The following PHEX variants were observed in gnomAD, a reference collection of about 807,000 sequenced individuals.
PHEX encodes phosphate regulating endopeptidase X-linked, also known as phosphate-regulating neutral endopeptidase PHEX.
A neutral mutation model predicts 68.0 loss-of-function variants in PHEX; 16 were observed. The observed-to-expected ratio is 0.24, with a 90% confidence interval of 0.16 to 0.36. PHEX has a LOEUF of 0.36. Among genes scored for constraint, PHEX ranks in the 10% least tolerant of loss-of-function variants. The pLI is 1.00. For missense variants in PHEX, 480 were observed against 575.5 expected, an observed-to-expected ratio of 0.83 and a Z score of 1.70; for synonymous variants, 208 against 205.1, an observed-to-expected ratio of 1.01 and a Z score of -0.12.
At position 22,073,929 on chromosome X, in the gene PHEX, C is replaced by T. The variant is rs767864129; in HGVS notation, c.350-2459C>T. 1.2e-3 allele frequency among the ~76,000 whole-genome samples: 136 copies of T among 110,967 alleles called. No individual in the cohort carries two copies. In the Middle Eastern group the frequency reaches 0.014, roughly 11 times the overall value. On this transcript the variant is annotated intron_variant, in intron 3 of 21. Transcript: ENST00000379374. ...CTGGGATTGCAGGCATGAGCCACCG[C>T]GCCTGGCCTGCAGTTTTATGAACTG...
chrX:22,044,758 A>G (rs1179525190), intron 2 of PHEX, among the ~76,000 whole-genome samples: 1 of 111,408 alleles, frequency 9.0e-6, no homozygotes, highest in East Asian at 2.8e-4. Context: ...ATAAAAAAGT[A>G]GCAGTAATTA....
rs1314293481 is a variant in PHEX, at chrX:22,118,617, A to T, written c.1302+4031A>T. Among the ~76,000 whole-genome samples the T allele has an allele frequency of 4.5e-5, 5 of 111,049 alleles. No homozygotes were observed. The South Asian group carries it at 1.5e-3, about 34-fold the overall frequency. On this transcript the variant is annotated intron_variant, in intron 11 of 21. Coordinates refer to ENST00000379374, the MANE Select transcript of PHEX (RefSeq NM_000444.6). ...ACTTCTCCTCCGTGTCTGTTTTGAG[A>T]ACCTCTTGATGACAGAGTTGGCCCA... is the stretch of plus-strand genomic sequence containing the variant.
At chrX:22,184,662 G>T (rs1933975208) in intron 14 of PHEX, among the ~76,000 whole-genome samples, 1 of 111,450 alleles carries the variant, frequency 9.0e-6, no homozygotes, top group Non-Finnish European at 1.9e-5. Flanking sequence ...TAAAAATAGA[G>T]GATTTACTTA....
chrX:22,227,471 G>A lies in PHEX; in HGVS notation c.1966-36G>A, dbSNP rs149937313. 9.1e-4 allele frequency: 895 copies of A among 988,241 alleles called. 6 individuals carry two copies. In the African/African-American group the frequency reaches 0.015, roughly 17 times the overall value. 81.4% of individuals were successfully genotyped at this position (988,241 alleles called of 1,213,427 possible). On this transcript the variant is annotated intron_variant, in intron 19 of 21. Transcript: ENST00000379374. ...AGCTGAGCAAAGAGAAAAACCCACC[G>A]TTGCAGAGACTCATCTCTTCTTCTT...
At chrX:22,118,842 C>T (rs1157908752) in intron 11 of PHEX, among the ~76,000 whole-genome samples, 1 of 112,077 alleles carries the variant, frequency 8.9e-6, no homozygotes, top group Admixed American at 9.5e-5. Flanking sequence ...CTCATTCACA[C>T]ACACAACCAT....
At chrX:22,091,657 C>G (rs1178443613) in intron 6 of PHEX, among the ~76,000 whole-genome samples, 1 of 111,891 alleles carries the variant, frequency 8.9e-6, no homozygotes, top group East Asian at 2.8e-4. Context: ...ATGACTTTAT[C>G]CCAAGTCATC....
chrX:22,147,833 A>T (rs1395871310), intron 12 of PHEX, among the ~76,000 whole-genome samples: 1 of 111,532 alleles, frequency 9.0e-6, no homozygotes, highest in Non-Finnish European at 1.9e-5. Context: ...GTGGTGGTTC[A>T]AATGAACAAA....
At chrX:22,220,593 T>G (rs1935238655) in intron 17 of PHEX, among the ~76,000 whole-genome samples, 1 of 111,666 alleles carries the variant, frequency 9.0e-6, no homozygotes, top group Non-Finnish European at 1.9e-5. Context: ...CCTTCTGGAG[T>G]CTTTCTCAAA....
intron 14 of PHEX, among the ~76,000 whole-genome samples, chrX:22,183,133 C>G: frequency 9.1e-6 from 1 of 110,087 alleles, no homozygotes. Context: ...ATTTCTAGAT[C>G]TTTGACTGGC....
At chrX:22,047,494 A>C (rs1927597788) in intron 3 of PHEX, among the ~76,000 whole-genome samples, 1 of 112,405 alleles carries the variant, frequency 8.9e-6, no homozygotes, top group Non-Finnish European at 1.9e-5. Flanking sequence ...GCAAAGGAAT[A>C]GTTAATGAAA....
At chrX:22,128,556 T>A (rs1931838787) in intron 11 of PHEX, among the ~76,000 whole-genome samples, 1 of 111,111 alleles carries the variant, frequency 9.0e-6, no homozygotes, top group Non-Finnish European at 1.9e-5. Context: ...AAAATGACCT[T>A]AAGATTCATC....
At chrX:22,121,829 T>G (rs1482009061) in intron 11 of PHEX, among the ~76,000 whole-genome samples, 3 of 111,887 alleles carry the variant, frequency 2.7e-5, no homozygotes, top group African/African-American at 9.8e-5. Context: ...TTTTCTGAGC[T>G]GCTCTCTGCC....
At chrX:22,148,909 G>A in intron 12 of PHEX, among the ~76,000 whole-genome samples, 1 of 111,458 alleles carries the variant, frequency 9.0e-6, no homozygotes, top group South Asian at 3.8e-4. Context: ...ACTGTGATGG[G>A]GAAAGGATTC....
At chrX:22,134,109 C>T (rs562605001) in intron 12 of PHEX, among the ~76,000 whole-genome samples, 1 of 112,152 alleles carries the variant, frequency 8.9e-6, no homozygotes, top group Non-Finnish European at 1.9e-5. Flanking sequence ...CCTTCCCGAC[C>T]CATCATTTGG....
chrX:22,067,562 A>C lies in PHEX; in HGVS notation c.350-8826A>C, dbSNP rs757544069. Among the ~76,000 whole-genome samples the C allele has an allele frequency of 3.6e-5, 4 of 111,651 alleles. No individual in the cohort carries two copies. The South Asian group carries it at 1.5e-3, about 42-fold the overall frequency. Reference sequence around the variant, plus strand: ...AGGAAATCAGTAAAGACAGGACAAAAGTTCCTTTTTTGATTTGAGGTAGGG... The same window carrying C: ...AGGAAATCAGTAAAGACAGGACAAACGTTCCTTTTTTGATTTGAGGTAGGG... On this transcript the variant is annotated intron_variant, in intron 3 of 21. Transcript: ENST00000379374.
chrX:22,209,921 C>T (rs1317506667), intron 15 of PHEX, among the ~76,000 whole-genome samples: 5 of 101,273 alleles, frequency 4.9e-5, no homozygotes, highest in Admixed American at 1.1e-4. Flanking sequence ...AAACAGGTGG[C>T]GAGGTGGTGT....
chrX:22,066,424 T>C (rs1928604930), intron 3 of PHEX, among the ~76,000 whole-genome samples: 1 of 112,531 alleles, frequency 8.9e-6, no homozygotes, highest in Admixed American at 9.4e-5. Context: ...TCATTGCTTC[T>C]TCTTTGTTGC....
chrX:22,227,464 A>T (rs1183352772), intron 19 of PHEX, 43 bp from the exon 20 acceptor site: 3 of 950,301 alleles, frequency 3.2e-6, no homozygotes, highest in Non-Finnish European at 4.6e-6. Context: ...AAAGAGAAAA[A>T]CCCACCGTTG....
At chrX:22,181,165 C>T (rs781705061) in intron 14 of PHEX, among the ~76,000 whole-genome samples, 12 of 111,411 alleles carry the variant, frequency 1.1e-4, no homozygotes, top group South Asian at 3.7e-4. Flanking sequence ...TTTAGTTGTT[C>T]GAGGATCCTC....
Sources: allele counts gnomAD v4.1 joint callset (sites outside exome capture counted in the v4.1 genomes callset), GRCh38; gene constraint gnomAD v4.1.1; transcripts MANE v1.5; gene names NCBI Gene and HGNC (gene_info 2026-07-23, HGNC 2026-07-21).